Variants in DOCK3 observed in about 807,000 individuals in gnomAD.
DOCK3 encodes dedicator of cytokinesis 3.
Under a neutral mutation model 265.6 loss-of-function variants are expected in DOCK3, and 60 were observed. That is an observed-to-expected ratio of 0.23 (90% CI 0.18 to 0.28). The LOEUF is 0.28. Ranked by LOEUF, DOCK3 falls within the 10% of genes least tolerant of loss-of-function variation. The probability of loss-of-function intolerance (pLI) is 1.00; values close to 1 mark genes in which losing one functional copy is unlikely to be tolerated. For synonymous variants in DOCK3, 881 were observed against 938.0 expected, an observed-to-expected ratio of 0.94 and a Z score of 1.11; for missense variants, 1,981 against 2,594.3, an observed-to-expected ratio of 0.76 and a Z score of 5.14.
chr3:51,364,560 A>G (rs1203014063), intron 49 of DOCK3, among the ~76,000 whole-genome samples: 1 of 152,178 alleles, frequency 6.6e-6, no homozygotes, highest in Non-Finnish European at 1.5e-5. Flanking sequence ...GTCCTTGCCC[A>G]TGCCTATGTC....
intron 5 of DOCK3, among the ~76,000 whole-genome samples, chr3:50,972,872 C>G (rs1049488158): frequency 7.3e-6 from 1 of 137,610 alleles, no homozygotes; most frequent in Non-Finnish European, 1.6e-5. Context: ...TCTCTTTGCT[C>G]AGGGTTGCTT....
intron 6 of DOCK3, among the ~76,000 whole-genome samples, chr3:51,070,487 A>G (rs2081815513): frequency 6.6e-6 from 1 of 152,194 alleles, no homozygotes; most frequent in African/African-American, 2.4e-5. Flanking sequence ...AATGGATCTA[A>G]TACTGTCTAC....
At chr3:50,719,502 C>G in intron 1 of DOCK3, 1 of 882,364 alleles carries the variant, frequency 1.1e-6, no homozygotes, top group Admixed American at 2.0e-5. Context: ...CCACAGTCGG[C>G]AATGGTGATC....
intron 2 of DOCK3, among the ~76,000 whole-genome samples, chr3:50,788,908 C>CT: frequency 6.6e-6 from 1 of 152,338 alleles, no homozygotes; most frequent in Non-Finnish European, 1.5e-5. Flanking sequence ...CCTTTATTAT[C>CT]TTTTCAAAGA....
intron 13 of DOCK3, among the ~76,000 whole-genome samples, chr3:51,211,840 T>C (rs2089523491): frequency 6.6e-6 from 1 of 152,252 alleles, no homozygotes; most frequent in South Asian, 2.1e-4. Context: ...TGTGTCTTTA[T>C]AGAAGCATGA....
chr3:51,364,307 A>C lies in DOCK3; in HGVS notation c.5293+1633A>C, dbSNP rs553985627. ...CTTCTTTTGAGAAGTGTCTGTTCATATCCTTTGCCCACTTTTTGATGGGGT... is the reference window on the plus strand; with the variant it reads ...CTTCTTTTGAGAAGTGTCTGTTCATCTCCTTTGCCCACTTTTTGATGGGGT... On this transcript the variant is annotated intron_variant, in intron 49 of 52. Transcript: ENST00000266037. 1.6e-4 allele frequency among the ~76,000 whole-genome samples: 25 copies of C among 152,248 alleles called. No individual in the cohort carries two copies. The East Asian group carries it at 4.4e-3, about 27-fold the overall frequency.
intron 5 of DOCK3, among the ~76,000 whole-genome samples, chr3:50,963,711 A>G (rs1040667342): frequency 1.3e-5 from 2 of 152,174 alleles, no homozygotes; most frequent in South Asian, 2.1e-4. Flanking sequence ...ACAGGAAATA[A>G]ATAAGGTGAG....
chr3:51,229,479 A>T, intron 18 of DOCK3, 33 bp from the exon 19 acceptor site: 1 of 1,493,330 alleles, frequency 6.7e-7, no homozygotes. Flanking sequence ...TCCAGGTTTC[A>T]AGGGTTCCTC....
At chr3:50,856,541 T>C (rs991922521) in intron 3 of DOCK3, among the ~76,000 whole-genome samples, 5 of 152,096 alleles carry the variant, frequency 3.3e-5, no homozygotes, top group Non-Finnish European at 5.9e-5. Flanking sequence ...GGTTATTTGT[T>C]TTTTTTCTTG....
intron 5 of DOCK3, among the ~76,000 whole-genome samples, chr3:50,974,195 T>C (rs2077353874): frequency 6.6e-6 from 1 of 152,082 alleles, no homozygotes; most frequent in Non-Finnish European, 1.5e-5. Context: ...TTTAGTGTTT[T>C]AGACATGAAG....
intron 1 of DOCK3, among the ~76,000 whole-genome samples, chr3:50,756,783 T>G (rs1396798454): frequency 3.3e-5 from 5 of 152,234 alleles, no homozygotes; most frequent in Non-Finnish European, 7.3e-5. Context: ...TTACTAATGA[T>G]GTGGAGCATT....
At chr3:51,376,244 G>A (rs868018132) in intron 51 of DOCK3, among the ~76,000 whole-genome samples, 7 of 152,156 alleles carry the variant, frequency 4.6e-5, no homozygotes, top group African/African-American at 9.7e-5. Flanking sequence ...AGAACAGGCC[G>A]TGGCCAAACA....
Position 51,228,690 on chromosome 3 carries a change from T to A in DOCK3, c.1677T>A (p.His559Gln), listed in dbSNP as rs374489223. The stretch of plus-strand genomic sequence containing the variant: ...ATGAGAATAGCACGTTTAATAACCA[T>A]GCTCTGTACCTGGGCCTGCCCTGCT... ...KCDENSTFNNHALYLGLPCCK... is the reference protein window; with the variant it reads ...KCDENSTFNNQALYLGLPCCK... Residue 559 changes from histidine to glutamine, a missense_variant, in exon 18 of 53, where the codon CAT becomes CAA. His to Gln is a conservative substitution (Grantham distance 24, BLOSUM62 0). Coordinates refer to ENST00000266037, the MANE Select transcript of DOCK3 (RefSeq NM_004947.5). 5 of 1,613,774 alleles carry A rather than the reference T, an allele frequency of 3.1e-6. No homozygotes were observed. In the African/African-American group the frequency reaches 4.0e-5, roughly 13 times the overall value.
Position 51,249,208 on chromosome 3 carries a change from C to T in DOCK3, c.2184+2401C>T, listed in dbSNP as rs1186687465. Among the ~76,000 whole-genome samples the T allele has an allele frequency of 2.6e-4, 32 of 125,348 alleles. No homozygotes were observed. In the South Asian group the frequency reaches 6.9e-3, roughly 27 times the overall value. 82.2% of individuals were successfully genotyped at this position (125,348 alleles called of 152,430 possible). On this transcript the variant is annotated intron_variant, in intron 22 of 52. Transcript: ENST00000266037. The stretch of plus-strand genomic sequence containing the variant: ...CCATCCGGCAGGGAGGTGGGGGGGT[C>T]AGCCCCCCGCCCGGCCAGCCGCCCT...
chr3:51,363,560 A>C (rs907628559), intron 49 of DOCK3, among the ~76,000 whole-genome samples: 22 of 152,356 alleles, frequency 1.4e-4, no homozygotes, highest in African/African-American at 5.1e-4. Flanking sequence ...CTATGTATAC[A>C]TGTGCCATGT....
chr3:51,089,443 A>C (rs2082553153), intron 8 of DOCK3, among the ~76,000 whole-genome samples, 159 bp downstream of exon 8: 1 of 152,086 alleles, frequency 6.6e-6, no homozygotes, highest in Non-Finnish European at 1.5e-5. Context: ...TTTTGGCCAG[A>C]CTCTACTTCT....
At chr3:51,281,023 C>A (rs1040106902) in intron 27 of DOCK3, among the ~76,000 whole-genome samples, 9 of 152,104 alleles carry the variant, frequency 5.9e-5, no homozygotes, top group African/African-American at 2.2e-4. Context: ...TCCTCTCTCA[C>A]ACACACATCC....
intron 8 of DOCK3, 126 bp downstream of exon 8, chr3:51,089,410 G>T: frequency 8.5e-7 from 1 of 1,173,946 alleles, no homozygotes; most frequent in South Asian, 1.5e-5. Flanking sequence ...GTCTTTATCT[G>T]AGGAGCTTTG....
chr3:51,339,417 A>T (rs2085088480), intron 37 of DOCK3, among the ~76,000 whole-genome samples: 1 of 152,180 alleles, frequency 6.6e-6, no homozygotes, highest in Non-Finnish European at 1.5e-5. Flanking sequence ...CTAAGGTTAT[A>T]ACAAAGGAAT....
Sources: gnomAD v4.1 joint callset for allele counts (sites outside exome capture counted in the v4.1 genomes callset) on GRCh38, gnomAD v4.1.1 for gene constraint, MANE v1.5 for transcripts, NCBI Gene and HGNC (gene_info 2026-07-23, HGNC 2026-07-21) for gene names.